The following PTPRT variants were observed in gnomAD, a reference collection of about 807,000 sequenced individuals.
PTPRT encodes the protein receptor-type tyrosine-protein phosphatase T.
In PTPRT, 56 loss-of-function variants were observed where a neutral mutation model predicts 176.8. The ratio of observed to expected loss-of-function variants is 0.32; its 90% confidence interval spans 0.26 to 0.40. The LOEUF (loss-of-function observed/expected upper bound fraction) is 0.40, where lower values mean the gene tolerates loss of function less well. Among genes scored for constraint, PTPRT ranks in the 10% least tolerant of loss-of-function variants. PTPRT has a pLI of 1.00. For missense variants in PTPRT, 1,540 were observed against 1,908.2 expected (o/e 0.81, Z 3.60); for synonymous variants, 783 against 739.0 (o/e 1.06, Z -0.96).
At chr20:42,659,976 A>G (rs2075194815) in intron 7 of PTPRT, among the ~76,000 whole-genome samples, 1 of 152,138 alleles carries the variant, frequency 6.6e-6, no homozygotes, top group African/African-American at 2.4e-5. Flanking sequence ...CACAGCTATT[A>G]CGAGATTTGA....
At chr20:43,165,084 G>A (rs370611849) in intron 1 of PTPRT, among the ~76,000 whole-genome samples, 25 of 152,086 alleles carry the variant, frequency 1.6e-4, no homozygotes, top group East Asian at 7.7e-4. Flanking sequence ...GGTTTTTCCC[G>A]TGCTGTTCTC....
intron 1 of PTPRT, among the ~76,000 whole-genome samples, chr20:43,012,402 A>C (rs947421260): frequency 2.0e-5 from 3 of 152,126 alleles, no homozygotes; most frequent in African/African-American, 7.2e-5. Context: ...ATAAAGTAAA[A>C]TGGTGGTTAC....
chr20:42,673,396 GATTT>G (rs1041126909), intron 7 of PTPRT, among the ~76,000 whole-genome samples: 29 of 152,200 alleles, frequency 1.9e-4, no homozygotes, highest in African/African-American at 6.8e-4. Flanking sequence ...CAGAATTTCT[GATTT>G]ATTACGTCGG....
At chr20:42,603,852 TC>T (rs2145798500) in intron 7 of PTPRT, among the ~76,000 whole-genome samples, 1 of 152,234 alleles carries the variant, frequency 6.6e-6, no homozygotes, top group East Asian at 1.9e-4. Flanking sequence ...GAGTCATCAC[TC>T]TCCACCCACC....
At chr20:42,534,797 T>C (rs931157291) in intron 7 of PTPRT, among the ~76,000 whole-genome samples, 3 of 152,126 alleles carry the variant, frequency 2.0e-5, no homozygotes, top group African/African-American at 4.8e-5. Context: ...TGGCTGCCAC[T>C]TGATCACTCT....
chr20:42,190,774 C>A (rs561379233), intron 16 of PTPRT, among the ~76,000 whole-genome samples: 1 of 152,120 alleles, frequency 6.6e-6, no homozygotes, highest in African/African-American at 2.4e-5. Context: ...GTGTCTGTGG[C>A]CTTAAGTTTC....
chr20:42,897,893 G>A (rs1293566496), intron 1 of PTPRT, among the ~76,000 whole-genome samples: 2 of 152,168 alleles, frequency 1.3e-5, no homozygotes, highest in Non-Finnish European at 2.9e-5. Flanking sequence ...CGTAGTCAGT[G>A]CCAAGTTGTG....
At chr20:42,322,397 G>T (rs1424782632) in intron 11 of PTPRT, among the ~76,000 whole-genome samples, 1 of 141,020 alleles carries the variant, frequency 7.1e-6, no homozygotes, top group Non-Finnish European at 1.5e-5. Flanking sequence ...GCATGGTACT[G>T]GTACCAAAAC....
chr20:42,760,157 C>T (rs547300966), intron 5 of PTPRT, among the ~76,000 whole-genome samples: 9 of 152,242 alleles, frequency 5.9e-5, no homozygotes, highest in Admixed American at 1.3e-4. Flanking sequence ...GAGGGCAGCT[C>T]TCTGGGAAAA....
At chr20:42,033,086 A>G in the PTPRT span, among the ~76,000 whole-genome samples, 3 of 152,184 alleles carry the variant, frequency 2.0e-5, no homozygotes, top group Non-Finnish European at 4.4e-5. Flanking sequence ...GTTAGGGCAG[A>G]GGTGAGACCG....
intron 6 of PTPRT, among the ~76,000 whole-genome samples, chr20:42,747,653 T>C (rs909705095): frequency 6.6e-6 from 1 of 152,092 alleles, no homozygotes; most frequent in African/African-American, 2.4e-5. Flanking sequence ...CTGGAAGAAA[T>C]GCATGTCAGG....
In PTPRT at chr20:42,329,919, TA is replaced by T. The variant is rs201888392; in HGVS notation, c.1866-13924del. Among the ~76,000 whole-genome samples, 723 of 152,260 alleles carry T rather than the reference TA, an allele frequency of 4.7e-3. 8 individuals are homozygous for T. Among genetic ancestry groups the T allele is most frequent in the African/African-American group, 0.016 (679 of 41,518 alleles). ...TAGGAATATGAAAATACTTTGAAAA[TA>T]TTTTTTTAATTTAATATGTTACAAA... On this transcript the variant is annotated intron_variant, in intron 11 of 30. Coordinates refer to ENST00000373187, the MANE Select transcript of PTPRT (RefSeq NM_007050.6).
downstream of PTPRT, among the ~76,000 whole-genome samples, chr20:42,069,373 GA>G (rs758621133): frequency 6.6e-6 from 1 of 152,188 alleles, no homozygotes; most frequent in East Asian, 1.9e-4. Context: ...CTGAGCAAGA[GA>G]TTTTTTTTTC....
intron 9 of PTPRT, among the ~76,000 whole-genome samples, chr20:42,364,973 T>C (rs902222447): frequency 3.3e-5 from 5 of 152,224 alleles, no homozygotes; most frequent in Non-Finnish European, 7.3e-5. Flanking sequence ...CATTTATAGC[T>C]GCACTGCCCA....
chr20:42,958,350 GCT>G, intron 1 of PTPRT, among the ~76,000 whole-genome samples: 1 of 11,384 alleles, frequency 8.8e-5, no homozygotes, highest in Non-Finnish European at 1.8e-4. Flanking sequence ...GAGAGGAGGG[GCT>G]GGGAAGGGAG....
intron 13 of PTPRT, among the ~76,000 whole-genome samples, chr20:42,259,515 A>T (rs2056709606): frequency 6.6e-6 from 1 of 152,220 alleles, no homozygotes; most frequent in African/African-American, 2.4e-5. Flanking sequence ...AAGGAGGCCT[A>T]ACCTATGAGG....
At chr20:42,176,858 T>C (rs545341141) in intron 16 of PTPRT, among the ~76,000 whole-genome samples, 1 of 152,346 alleles carries the variant, frequency 6.6e-6, no homozygotes, top group South Asian at 2.1e-4. Flanking sequence ...GTGCAACAGA[T>C]GTTTGAAAGA....
chr20:42,513,587 AT>A (rs566242376), intron 7 of PTPRT, among the ~76,000 whole-genome samples: 2 of 152,134 alleles, frequency 1.3e-5, no homozygotes, highest in Non-Finnish European at 2.9e-5. Flanking sequence ...GCATGAGATA[AT>A]TTTTTGTTAT....
At chr20:42,681,259 G>C (rs6130190) in intron 6 of PTPRT, among the ~76,000 whole-genome samples, 1 of 152,218 alleles carries the variant, frequency 6.6e-6, no homozygotes, top group Non-Finnish European at 1.5e-5. Context: ...CCAATGGCTA[G>C]AGTCAGCAGG....
Sources: gnomAD v4.1 joint callset for allele counts (sites outside exome capture counted in the v4.1 genomes callset) on GRCh38, gnomAD v4.1.1 for gene constraint, MANE v1.5 for transcripts, NCBI Gene and HGNC (gene_info 2026-07-23, HGNC 2026-07-21) for gene names.